Variants in RASGRF1 observed in about 807,000 individuals in gnomAD.
The protein encoded by RASGRF1 is ras-specific guanine nucleotide-releasing factor 1.
In RASGRF1, 40 loss-of-function variants were observed where a neutral mutation model predicts 138.7. The observed-to-expected ratio is 0.29, with a 90% CI of 0.22 to 0.38. The LOEUF (loss-of-function observed/expected upper bound fraction) is 0.38, where lower values mean the gene tolerates loss of function less well. RASGRF1 is among the 10% of genes least tolerant of loss of function. The pLI, the probability that RASGRF1 is intolerant of heterozygous loss-of-function variation, is 1.00. For missense variants in RASGRF1, 1,108 were observed against 1,650.4 expected (o/e 0.67, Z 5.69); for synonymous variants, 614 against 663.2 (o/e 0.93, Z 1.14).
chr15:79,026,436 C>T (rs534581444), intron 9 of RASGRF1, among the ~76,000 whole-genome samples: 2 of 152,326 alleles, frequency 1.3e-5, no homozygotes, highest in South Asian at 4.1e-4. Flanking sequence ...GGGAGATCCA[C>T]CTGGCACCTG....
chr15:78,968,393 T>A (rs1249335995), intron 26 of RASGRF1, among the ~76,000 whole-genome samples: 2 of 152,152 alleles, frequency 1.3e-5, no homozygotes, highest in East Asian at 3.9e-4. Flanking sequence ...TGCCTCAGAC[T>A]CCTGAGTAGA....
intron 20 of RASGRF1, among the ~76,000 whole-genome samples, chr15:78,992,003 T>C (rs1352994779): frequency 6.6e-6 from 1 of 152,110 alleles, no homozygotes; most frequent in Non-Finnish European, 1.5e-5. Flanking sequence ...GGCCCCGCCC[T>C]GTTGTGCCGG....
intron 10 of RASGRF1, among the ~76,000 whole-genome samples, chr15:79,023,634 A>G (rs1456732705): frequency 3.9e-5 from 6 of 152,180 alleles, no homozygotes; most frequent in Non-Finnish European, 7.4e-5. Flanking sequence ...GCCTATGAGG[A>G]GTCAGGAGGG....
rs2057351478 is a variant in RASGRF1, at chr15:79,046,134, A to T, written c.878+612T>A. On this transcript the variant is annotated intron_variant, in intron 5 of 26. Transcript: ENST00000558480. This position sits in a 1 kb window ranked among gnomAD's most constrained non-coding sequence, Gnocchi z 5.3. ...TAATGCCAGGGTCACCATCTGGGAGAAGTGACTTCTTTGTAAGACATGTGG... is the reference window on the plus strand; with the variant it reads ...TAATGCCAGGGTCACCATCTGGGAGTAGTGACTTCTTTGTAAGACATGTGG... 6.6e-6 allele frequency among the ~76,000 whole-genome samples: 1 copy of T among 152,174 alleles called. No homozygotes were observed. The highest frequency in any genetic ancestry group is 1.5e-5 in the Non-Finnish European group (1 of 68,034).
chr15:79,053,948 T>C (rs993829136), intron 3 of RASGRF1, among the ~76,000 whole-genome samples: 4 of 152,234 alleles, frequency 2.6e-5, no homozygotes, highest in African/African-American at 9.6e-5. Context: ...TGATGGTACA[T>C]TATAAACAGT....
At chr15:79,085,958 C>A (rs1272865240) in intron 1 of RASGRF1, among the ~76,000 whole-genome samples, 1 of 152,174 alleles carries the variant, frequency 6.6e-6, no homozygotes, top group Non-Finnish European at 1.5e-5. Flanking sequence ...AGCATAGGCG[C>A]AAGGAGCCGA....
chr15:78,973,354 C>T lies in RASGRF1; in HGVS notation c.3561G>A (p.Gly1187=). Residue 1187 remains glycine, a synonymous_variant, in exon 25 of 27, where the codon GGG becomes GGA. Coordinates refer to ENST00000558480, the MANE Select transcript of RASGRF1 (RefSeq NM_001145648.3). The surrounding 1 kb of genome is among the most constrained non-coding windows in gnomAD (Gnocchi z 4.9). ...YLTDLAFIEE[G]TPNYTEDGLV... ...GGCCGTCTTCCGTGTAATTGGGCGT[C>T]CCCTCCTCGATGAAGGCCAGGTCGG... is the stretch of plus-strand genomic sequence containing the variant. 6.2e-7 allele frequency: 1 copy of T among 1,614,024 alleles called. No homozygotes were observed. Among genetic ancestry groups the T allele is most frequent in the Non-Finnish European group, 8.5e-7 (1 of 1,179,944 alleles).
At chr15:79,001,427 G>A (rs941371481) in intron 16 of RASGRF1, among the ~76,000 whole-genome samples, 1 of 149,432 alleles carries the variant, frequency 6.7e-6, no homozygotes, top group Admixed American at 6.6e-5. Flanking sequence ...GAGTGACTTG[G>A]TTGAGTTGAA....
At chr15:79,079,103 G>A (rs1566970826) in intron 1 of RASGRF1, among the ~76,000 whole-genome samples, 1 of 152,252 alleles carries the variant, frequency 6.6e-6, no homozygotes, top group Non-Finnish European at 1.5e-5. Flanking sequence ...AGGCCTCCAA[G>A]CTTCTGTCTG....
At chr15:78,991,848 C>T (rs1371032815) in intron 20 of RASGRF1, 54 bp from the exon 21 acceptor site, 5 of 1,438,748 alleles carry the variant, frequency 3.5e-6, no homozygotes, top group African/African-American at 2.8e-5. Context: ...ACGGACACCT[C>T]CTGGATTCCC....
intron 15 of RASGRF1, among the ~76,000 whole-genome samples, chr15:79,002,732 C>A (rs1427181280): frequency 6.6e-6 from 1 of 152,214 alleles, no homozygotes; most frequent in Admixed American, 6.5e-5. Flanking sequence ...CAGCTGCATG[C>A]ATCACCCATT....
chr15:78,990,170 C>T lies in RASGRF1; in HGVS notation c.3216+19G>A, dbSNP rs751122355. The stretch of plus-strand genomic sequence containing the variant: ...CAAAGAAAAACCCCAGTGAGAGAGG[C>T]GCTCCCATCCATACTCACGTCATTG... On this transcript the variant is annotated intron_variant, in intron 22 of 26. Transcript: ENST00000558480. 7.7e-6 allele frequency: 12 copies of T among 1,549,702 alleles called. No homozygotes were observed. Among genetic ancestry groups the T allele is most frequent in the South Asian group, 3.3e-5 (3 of 89,756 alleles).
chr15:79,017,480 G>A (rs2056895084), intron 12 of RASGRF1, among the ~76,000 whole-genome samples: 1 of 152,156 alleles, frequency 6.6e-6, no homozygotes. Context: ...TGGGGAAAGG[G>A]GAGAAGGGTC....
At chr15:79,026,192 C>T (rs2057048101) in intron 9 of RASGRF1, among the ~76,000 whole-genome samples, 1 of 152,216 alleles carries the variant, frequency 6.6e-6, no homozygotes, top group Admixed American at 6.5e-5. Flanking sequence ...AGGATTCAGG[C>T]ACTTGAGGCC....
intron 9 of RASGRF1, among the ~76,000 whole-genome samples, chr15:79,025,999 T>A (rs529657379): frequency 6.6e-6 from 1 of 151,124 alleles, no homozygotes; most frequent in East Asian, 1.9e-4. Context: ...AATCAATCAC[T>A]GCACCATACT....
At chr15:79,065,910 G>T (rs1314000641) in intron 1 of RASGRF1, among the ~76,000 whole-genome samples, 1 of 151,840 alleles carries the variant, frequency 6.6e-6, no homozygotes, top group African/African-American at 2.4e-5. Flanking sequence ...ATGTGAAGTG[G>T]GGGGCGGGGG....
At chr15:78,972,545 C>A (rs2055785114) in intron 25 of RASGRF1, among the ~76,000 whole-genome samples, 1 of 151,974 alleles carries the variant, frequency 6.6e-6, no homozygotes, top group South Asian at 2.1e-4. Flanking sequence ...TAGAACAAAA[C>A]CCCACGACTC....
intron 13 of RASGRF1, among the ~76,000 whole-genome samples, chr15:79,014,139 T>C (rs2056842238): frequency 6.6e-6 from 1 of 152,188 alleles, no homozygotes; most frequent in African/African-American, 2.4e-5. Context: ...CCTTCTACAC[T>C]GCTGGTGGGA....
At chr15:79,059,579 T>A (rs562026252) in intron 2 of RASGRF1, among the ~76,000 whole-genome samples, 1 of 152,284 alleles carries the variant, frequency 6.6e-6, no homozygotes, top group Admixed American at 6.5e-5. Flanking sequence ...CAAATCACAG[T>A]CCATGAGCGT....
Sources: allele counts gnomAD v4.1 joint callset (sites outside exome capture counted in the v4.1 genomes callset), GRCh38; gene constraint gnomAD v4.1.1; non-coding constraint Gnocchi (gnomAD v3.1); transcripts MANE v1.5; gene names NCBI Gene and HGNC (gene_info 2026-07-23, HGNC 2026-07-21).